Variants in EHMT1 observed in about 807,000 individuals in gnomAD.
EHMT1 encodes the protein euchromatic histone lysine methyltransferase 1, also known as histone-lysine N-methyltransferase EHMT1.
In EHMT1, 15 loss-of-function variants were observed where a neutral mutation model predicts 147.2. The ratio of observed to expected loss-of-function variants is 0.10; its 90% CI spans 0.07 to 0.16. The LOEUF is 0.16. Among genes scored for constraint, EHMT1 ranks in the 10% least tolerant of loss-of-function variants. The probability of loss-of-function intolerance (pLI) is 1.00; values close to 1 mark genes in which losing one functional copy is unlikely to be tolerated. For missense variants in EHMT1, 1,587 were observed against 1,772.4 expected (o/e 0.90, Z 1.88); for synonymous variants, 795 against 709.6 (o/e 1.12, Z -1.91).
Position 137,757,936 on chromosome 9 carries a change from A to C in EHMT1, c.1426A>C (p.Ser476Arg). Residue 476 changes from serine to arginine, a missense_variant, in exon 9 of 27, where the codon AGC (serine) becomes CGC (arginine). By Grantham distance (110) the Ser-to-Arg change is moderately radical (BLOSUM62 -1). Transcript: ENST00000460843. ...GSAEQTAPGD[S>R]TGYMEVSLDS... is the part of the protein sequence containing the mutation. The stretch of plus-strand genomic sequence containing the variant: ...CGCTGAGCAGACGGCACCAGGAGAC[A>C]GCACAGGGTACATGGAAGTTTCTCT... The C allele has an allele frequency of 6.2e-7, 1 of 1,614,140 alleles. No homozygotes were observed. The highest frequency in any genetic ancestry group is 8.5e-7 in the Non-Finnish European group (1 of 1,180,030).
intron 1 of EHMT1, among the ~76,000 whole-genome samples, chr9:137,644,534 G>T (rs1000843996): frequency 6.6e-6 from 1 of 152,096 alleles, no homozygotes; most frequent in Non-Finnish European, 1.5e-5. Flanking sequence ...CGCCATATTG[G>T]CCAGGCTGGT....
intron 4 of EHMT1, among the ~76,000 whole-genome samples, chr9:137,740,073 C>A (rs527926168): frequency 1.1e-4 from 17 of 152,308 alleles, no homozygotes; most frequent in African/African-American, 3.8e-4. Flanking sequence ...TCCAACCTCC[C>A]ATCCACCTTG....
At chr9:137,688,322 C>T (rs1053836892) in intron 1 of EHMT1, among the ~76,000 whole-genome samples, 2 of 152,190 alleles carry the variant, frequency 1.3e-5, no homozygotes, top group Non-Finnish European at 2.9e-5. Flanking sequence ...TTGTGCCCAG[C>T]GTGGAACTGT....
Position 137,787,822 on chromosome 9 carries a change from C to T in EHMT1, c.2383-3026C>T. Reference sequence around the variant, plus strand: ...GGCCCTCAGGTTTCAGGGGCCACCCCCCAGTAGGCAGAGCTGGTTGACGGT... The same window carrying T: ...GGCCCTCAGGTTTCAGGGGCCACCCTCCAGTAGGCAGAGCTGGTTGACGGT... On this transcript the variant is annotated intron_variant, in intron 15 of 26. Transcript: ENST00000460843. This position sits in a 1 kb window ranked among gnomAD's most constrained non-coding sequence, Gnocchi z 4.2. 2.1e-6 allele frequency: 2 copies of T among 946,108 alleles called. No homozygotes were observed. The highest frequency in any genetic ancestry group is 2.6e-5 in the South Asian group (2 of 77,906). The allele number at this position is 946,108 out of a possible 1,614,324, so 58.6% of individuals were successfully genotyped here.
chr9:137,654,389 C>G (rs1248676786), intron 1 of EHMT1, among the ~76,000 whole-genome samples: 3 of 138,536 alleles, frequency 2.2e-5, no homozygotes, highest in Non-Finnish European at 3.1e-5. Context: ...ACCTCCCCCC[C>G]ACCAAAAAAA....
intron 1 of EHMT1, among the ~76,000 whole-genome samples, chr9:137,626,238 A>G (rs964447247): frequency 2.0e-5 from 3 of 151,706 alleles, no homozygotes; most frequent in Admixed American, 6.6e-5. Flanking sequence ...TTTTATATAT[A>G]TAGTATCTTT....
At chr9:137,728,118 C>T (rs1233461572) in intron 3 of EHMT1, among the ~76,000 whole-genome samples, 1 of 152,190 alleles carries the variant, frequency 6.6e-6, no homozygotes, top group Non-Finnish European at 1.5e-5. Context: ...AAATGCTGTT[C>T]TTAGCTTGGG....
intron 4 of EHMT1, among the ~76,000 whole-genome samples, chr9:137,729,658 G>A (rs887872536): frequency 6.6e-6 from 1 of 152,072 alleles, no homozygotes; most frequent in Non-Finnish European, 1.5e-5. Context: ...CTACGAATAA[G>A]TCCTGTGTAC....
intron 26 of EHMT1, 95 bp from the exon 27 acceptor site, chr9:137,834,677 CG>C: frequency 6.2e-7 from 1 of 1,600,266 alleles, no homozygotes; most frequent in East Asian, 2.2e-5. Flanking sequence ...CACGGCAGAT[CG>C]GGGTGAGGAA....
chr9:137,826,545 C>G (rs1255552998), intron 25 of EHMT1, among the ~76,000 whole-genome samples: 1 of 152,220 alleles, frequency 6.6e-6, no homozygotes. Context: ...TGGTTTCTCA[C>G]AGTGCTGGAG....
intron 1 of EHMT1, among the ~76,000 whole-genome samples, chr9:137,668,606 T>A (rs974989677): frequency 2.6e-5 from 4 of 152,168 alleles, no homozygotes; most frequent in African/African-American, 9.7e-5. Context: ...CATTAGCAGT[T>A]CCTTCCCGTG....
intron 18 of EHMT1, among the ~76,000 whole-genome samples, chr9:137,808,401 G>T (rs751539141): frequency 6.6e-6 from 1 of 152,164 alleles, no homozygotes; most frequent in African/African-American, 2.4e-5. Context: ...CCTCTCAGGG[G>T]CACGGTCCTT....
chr9:137,817,251 C>G, intron 23 of EHMT1, 188 bp from the exon 24 acceptor site: 1 of 681,060 alleles, frequency 1.5e-6, no homozygotes, highest in Non-Finnish European at 2.6e-6. Flanking sequence ...CTGGCTGATC[C>G]CCGGGTTCTT....
intron 1 of EHMT1, among the ~76,000 whole-genome samples, chr9:137,635,195 C>CTATTT (rs770927779): frequency 5.3e-5 from 8 of 151,660 alleles, no homozygotes; most frequent in Non-Finnish European, 8.8e-5. Flanking sequence ...TTTAGGTCTT[C>CTATTT]TATTTTATTT....
At chr9:137,658,873 C>G (rs889598219) in intron 1 of EHMT1, among the ~76,000 whole-genome samples, 2 of 152,140 alleles carry the variant, frequency 1.3e-5, no homozygotes, top group Non-Finnish European at 2.9e-5. Flanking sequence ...GATCCTCACA[C>G]CTCAGCCTCC....
chr9:137,625,585 G>T (rs1303485384), intron 1 of EHMT1, among the ~76,000 whole-genome samples: 3 of 152,042 alleles, frequency 2.0e-5, no homozygotes. Context: ...TGATCTGCCC[G>T]CCTCGGCCTC....
Position 137,728,405 on chromosome 9 carries a change from A to C in EHMT1, c.699A>C (p.Pro233=), listed in dbSNP as rs1374706693. 1.2e-6 allele frequency: 2 copies of C among 1,614,124 alleles called. No homozygotes were observed. Among genetic ancestry groups the C allele is most frequent in the Non-Finnish European group, 8.5e-7 (1 of 1,180,054 alleles). The change falls in exon 4 of 27, where the codon CCA becomes CCC. Residue 233 remains proline (P), a synonymous_variant. Transcript: ENST00000460843. ...EVREARDHKE[P]KEEINKNISD... ...GAGAAGCTAGAGATCATAAGGAACC[A>C]AAAGAGGAGATCAACAAAAACATTT... is the stretch of plus-strand genomic sequence containing the variant.
At chr9:137,744,449 G>C (rs2136071613) in intron 6 of EHMT1, among the ~76,000 whole-genome samples, 1 of 152,164 alleles carries the variant, frequency 6.6e-6, no homozygotes, top group Admixed American at 6.5e-5. Flanking sequence ...CCCCCGAGCA[G>C]CTGGGACCAC....
chr9:137,783,747 C>A (rs1046760020), intron 15 of EHMT1, among the ~76,000 whole-genome samples: 1 of 152,208 alleles, frequency 6.6e-6, no homozygotes, highest in African/African-American at 2.4e-5. Context: ...GAGAGAGCGA[C>A]GGGGCGCACC....
Sources: allele counts gnomAD v4.1 joint callset (sites outside exome capture counted in the v4.1 genomes callset), GRCh38; gene constraint gnomAD v4.1.1; non-coding constraint Gnocchi (gnomAD v3.1); transcripts MANE v1.5; gene names NCBI Gene and HGNC (gene_info 2026-07-23, HGNC 2026-07-21).